ADIPOR2: variants seen among roughly 807,000 people sequenced by gnomAD.
The protein encoded by ADIPOR2 is adiponectin receptor protein 2.
In ADIPOR2, 18 loss-of-function variants were observed where a neutral mutation model predicts 40.9. The ratio of observed to expected loss-of-function variants is 0.44; its 90% CI spans 0.30 to 0.65. ADIPOR2 has a LOEUF of 0.65. ADIPOR2 is among the 30% of genes least tolerant of loss of function. The probability of loss-of-function intolerance (pLI) is 0.09; values close to 1 mark genes in which losing one functional copy is unlikely to be tolerated. For missense variants in ADIPOR2, 283 were observed against 479.2 expected (o/e 0.59, Z 3.82); for synonymous variants, 165 against 166.4 (o/e 0.99, Z 0.06).
intron 2 of ADIPOR2, among the ~76,000 whole-genome samples, chr12:1,755,272 G>A (rs1862102213): frequency 6.6e-6 from 1 of 152,006 alleles, no homozygotes; most frequent in Non-Finnish European, 1.5e-5. Flanking sequence ...TAGAGATGGA[G>A]TTTCACCATG....
At chr12:1,705,574 TTA>T (rs2154441567) in intron 1 of ADIPOR2, among the ~76,000 whole-genome samples, 1 of 152,334 alleles carries the variant, frequency 6.6e-6, no homozygotes, top group Non-Finnish European at 1.5e-5. Context: ...TAGACTTGGG[TTA>T]TATCCCCAAG....
Position 1,787,521 on chromosome 12 carries a change from A to C in ADIPOR2, c.*1449A>C, listed in dbSNP as rs895246367. On this transcript the variant is annotated 3_prime_UTR_variant, in exon 8 of 8. Coordinates refer to ENST00000357103, the MANE Select transcript of ADIPOR2 (RefSeq NM_024551.3). ...AGACGATGGCTCATGTCACAGGCCTACCTGATACGGTGTCAGAGAAAGTGG... is the reference window on the plus strand; with the variant it reads ...AGACGATGGCTCATGTCACAGGCCTCCCTGATACGGTGTCAGAGAAAGTGG... 2.6e-5 allele frequency: 4 copies of C among 152,228 alleles called. No individual in the cohort carries two copies. The highest frequency in any genetic ancestry group is 2.0e-4 in the Admixed American group (3 of 15,286). The allele number at this position is 152,228 out of a possible 1,614,324, so 9.4% of individuals were successfully genotyped here.
At chr12:1,759,153 C>T (rs1038320534) in intron 2 of ADIPOR2, among the ~76,000 whole-genome samples, 15 of 152,252 alleles carry the variant, frequency 9.9e-5, no homozygotes, top group African/African-American at 3.6e-4. Flanking sequence ...TTGCAGACCT[C>T]GTTTTCTGTT....
At chr12:1,725,465 A>G (rs761534601) in intron 1 of ADIPOR2, among the ~76,000 whole-genome samples, 25 of 152,198 alleles carry the variant, frequency 1.6e-4, no homozygotes, top group Non-Finnish European at 3.4e-4. Flanking sequence ...CAATTCCCTG[A>G]AAAACTGGTA....
At chr12:1,707,031 T>C (rs1487656485) in intron 1 of ADIPOR2, among the ~76,000 whole-genome samples, 2 of 152,194 alleles carry the variant, frequency 1.3e-5, no homozygotes, top group African/African-American at 4.8e-5. Context: ...ATACTGTACA[T>C]ATTCTTTAAT....
intron 1 of ADIPOR2, among the ~76,000 whole-genome samples, chr12:1,724,332 A>G (rs143418210): frequency 4.0e-4 from 61 of 152,300 alleles, no homozygotes; most frequent in Non-Finnish European, 7.4e-4. Flanking sequence ...CTGACATGCT[A>G]CAACCTGGAT....
At position 1,786,606 on chromosome 12, in the gene ADIPOR2, A is replaced by AAGGG. The variant is rs1489837501; in HGVS notation, c.*545_*548dup. 3.3e-5 allele frequency: 5 copies of AAGGG among 153,084 alleles called. No homozygotes were observed. Among genetic ancestry groups the AAGGG allele is most frequent in the African/African-American group, 9.6e-5 (4 of 41,466 alleles). The allele number at this position is 153,084 out of a possible 1,614,324, so 9.5% of individuals were successfully genotyped here. On this transcript the variant is annotated 3_prime_UTR_variant, in exon 8 of 8. Coordinates refer to ENST00000357103, the MANE Select transcript of ADIPOR2 (RefSeq NM_024551.3). ...ATATAAATGTTTAAAACATAGGGGT[A>AAGGG]AGGGAGGGAGGGAGAATTTTTGTAT...
intron 1 of ADIPOR2, among the ~76,000 whole-genome samples, chr12:1,708,882 G>A (rs972949794): frequency 7.9e-5 from 12 of 152,020 alleles, no homozygotes; most frequent in Non-Finnish European, 1.8e-4. Context: ...ACCACGCCCG[G>A]CTAATTTTTG....
chr12:1,750,034 T>C (rs1191002507), intron 1 of ADIPOR2, among the ~76,000 whole-genome samples: 1 of 151,960 alleles, frequency 6.6e-6, no homozygotes, highest in African/African-American at 2.4e-5. Context: ...GACATGGTCT[T>C]GTTGCCCAGG....
chr12:1,772,291 TTA>T (rs2154444163), intron 2 of ADIPOR2, among the ~76,000 whole-genome samples: 1 of 152,346 alleles, frequency 6.6e-6, no homozygotes, highest in African/African-American at 2.4e-5. Flanking sequence ...CCTAATGCTC[TTA>T]TATGTTAAAT....
chr12:1,707,145 G>A (rs770496514), intron 1 of ADIPOR2, among the ~76,000 whole-genome samples: 1 of 152,110 alleles, frequency 6.6e-6, no homozygotes, highest in African/African-American at 2.4e-5. Context: ...CTGTGGTATG[G>A]CTATACCACA....
chr12:1,754,615 A>AG (rs1862073378), intron 2 of ADIPOR2, 101 bp downstream of exon 2: 2 of 1,192,132 alleles, frequency 1.7e-6, no homozygotes, highest in Non-Finnish European at 2.3e-6. Flanking sequence ...TGCTGGAGGG[A>AG]GGATGGGGTG....
intron 1 of ADIPOR2, among the ~76,000 whole-genome samples, chr12:1,734,092 G>A (rs2094725732): frequency 6.6e-6 from 1 of 152,158 alleles, no homozygotes; most frequent in African/African-American, 2.4e-5. Context: ...TGTCTTTATA[G>A]CAGCATGTTC....
At chr12:1,745,649 AG>A (rs1243979641) in intron 1 of ADIPOR2, among the ~76,000 whole-genome samples, 2 of 152,136 alleles carry the variant, frequency 1.3e-5, no homozygotes, top group African/African-American at 2.4e-5. Flanking sequence ...CTGATTTCTT[AG>A]GGGCATTGTT....
At chr12:1,763,067 A>T (rs940671224) in intron 2 of ADIPOR2, among the ~76,000 whole-genome samples, 3 of 152,238 alleles carry the variant, frequency 2.0e-5, no homozygotes, top group Non-Finnish European at 4.4e-5. Context: ...GTACAGTTAG[A>T]TTACGTTTAC....
At chr12:1,780,181 C>T (rs533134710) in intron 4 of ADIPOR2, 2 of 301,936 alleles carry the variant, frequency 6.6e-6, no homozygotes, top group Admixed American at 5.1e-5. Flanking sequence ...TAAGAAGTAG[C>T]AGCAGTGTCT....
chr12:1,716,800 A>G (rs551410521), intron 1 of ADIPOR2, among the ~76,000 whole-genome samples: 1 of 152,278 alleles, frequency 6.6e-6, no homozygotes, highest in African/African-American at 2.4e-5. Context: ...AGCCCTTTTC[A>G]TGTTATAATC....
intron 1 of ADIPOR2, among the ~76,000 whole-genome samples, chr12:1,742,436 C>A (rs1177655936): frequency 6.6e-6 from 1 of 152,174 alleles, no homozygotes; most frequent in Non-Finnish European, 1.5e-5. Context: ...GAGCCTTATT[C>A]CCCATCCATA....
At chr12:1,778,587 G>A (rs1862648140) in intron 4 of ADIPOR2, 1 of 152,096 alleles carries the variant, frequency 6.6e-6, no homozygotes, top group African/African-American at 2.4e-5. Flanking sequence ...AAACATAAGA[G>A]CAAAAACTAT....
Sources: allele counts gnomAD v4.1 joint callset (sites outside exome capture counted in the v4.1 genomes callset), GRCh38; gene constraint gnomAD v4.1.1; transcripts MANE v1.5; gene names NCBI Gene and HGNC (gene_info 2026-07-23, HGNC 2026-07-21).